RAET1G: variants seen among roughly 807,000 people sequenced by gnomAD.
RAET1G encodes the protein retinoic acid early transcript 1G.
In RAET1G, 25 loss-of-function variants were observed where a neutral mutation model predicts 29.5. The ratio of observed to expected loss-of-function variants is 0.85; its 90% confidence interval spans 0.62 to 1.18. The LOEUF (loss-of-function observed/expected upper bound fraction) is 1.18. Ranked by LOEUF, RAET1G falls within the 50% of genes most tolerant of loss-of-function variation. RAET1G has a pLI of 0.00. For synonymous variants in RAET1G, 167 were observed against 159.5 expected, an observed-to-expected ratio of 1.05 and a Z score of -0.36; for missense variants, 434 against 423.6, an observed-to-expected ratio of 1.02 and a Z score of -0.22.
intron 1 of RAET1G, among the ~76,000 whole-genome samples, chr6:149,921,172 C>G (rs970930343): frequency 6.6e-6 from 1 of 152,198 alleles, no homozygotes; most frequent in South Asian, 2.1e-4. Context: ...GCTGTTGAAG[C>G]GCAAAGGCAG....
Position 149,918,342 on chromosome 6 carries a change from G to C in RAET1G, c.674C>G (p.Thr225Arg), listed in dbSNP as rs201424200. 6.2e-7 allele frequency: 1 copy of C among 1,614,072 alleles called. No homozygotes were observed. The highest frequency in any genetic ancestry group is 1.7e-5 in the Admixed American group (1 of 60,018). The change falls in exon 4 of 5, where the codon ACG (threonine) becomes AGG (arginine). Residue 225 changes from threonine to arginine, a missense_variant. By Grantham distance (71) the Thr-to-Arg change is moderately conservative. Transcript: ENST00000367360. ...MSSGTAQPRA[T>R]ATTLILCCLL... ...GCAGCAAAGGATGAGGGTGGTGGCC[G>C]TGGCCCTGGGTTGGGCTGTGCCTGA...
chr6:149,916,904 G>A lies in RAET1G; in HGVS notation c.*8C>T, dbSNP rs1214475316. 6.7e-7 allele frequency: 1 copy of A among 1,502,784 alleles called. No individual in the cohort carries two copies. The highest frequency in any genetic ancestry group is 1.4e-5 in the African/African-American group (1 of 71,060). The allele number at this position is 1,502,784 out of a possible 1,614,324, so 93.1% of individuals were successfully genotyped here. On this transcript the variant is annotated 3_prime_UTR_variant, in exon 5 of 5. Coordinates refer to ENST00000367360, the MANE Select transcript of RAET1G (RefSeq NM_001001788.4). Reference sequence around the variant, plus strand: ...ACGGAAGAAAAGACAGCTGGGCCCAGGGAACCATCAAGATATGGAGACCTG... The same window carrying A: ...ACGGAAGAAAAGACAGCTGGGCCCAAGGAACCATCAAGATATGGAGACCTG...
chr6:149,922,352 C>T (rs149818484), intron 1 of RAET1G, among the ~76,000 whole-genome samples: 59 of 152,116 alleles, frequency 3.9e-4, no homozygotes, highest in Middle Eastern at 6.8e-3. Flanking sequence ...GAGGATGTTA[C>T]CTGGGTGGTG....
rs145595400 is a variant in RAET1G at position 149,919,245 on chromosome 6, G to A, written c.429C>T (p.Phe143=). The A allele has an allele frequency of 4.0e-4, 650 of 1,614,192 alleles. 1 individual carries two copies. The African/African-American group carries it at 4.9e-3, about 12-fold the overall frequency. ...GHGSGSWQLS[F]DGQIFLLFDS... is the part of the protein sequence containing the mutation. ...CAAAGAGGAGGAAGATCTGTCCATC[G>A]AAACTGAGCTGCCAAGATCCACTGC... The change falls in exon 3 of 5, where the codon TTC becomes TTT. Residue 143 remains phenylalanine (F), a synonymous_variant. Transcript: ENST00000367360.
At chr6:149,922,797 A>C in intron 1 of RAET1G, 129 bp downstream of exon 1, 1 of 615,124 alleles carries the variant, frequency 1.6e-6, no homozygotes. Context: ...CGCGGAGGGA[A>C]ACTGAGCGGG....
chr6:149,917,115 T>G (rs923600691), intron 4 of RAET1G, 41 bp from the exon 5 acceptor site: 4 of 1,493,002 alleles, frequency 2.7e-6, no homozygotes, highest in African/African-American at 2.8e-5. Context: ...TCATTGTTTC[T>G]TCTATGTATT....
intron 3 of RAET1G, 145 bp downstream of exon 3, chr6:149,918,898 C>T (rs770525676): frequency 8.3e-6 from 11 of 1,333,192 alleles, no homozygotes; most frequent in Admixed American, 2.4e-5. Context: ...GGCACGCCAG[C>T]ACCCCCAGGA....
intron 4 of RAET1G, 140 bp downstream of exon 4, chr6:149,918,034 A>G: frequency 1.3e-6 from 1 of 769,790 alleles, no homozygotes; most frequent in South Asian, 1.8e-5. Flanking sequence ...TCCAACAAGC[A>G]ACACAAGGTC....
intron 1 of RAET1G, among the ~76,000 whole-genome samples, chr6:149,920,248 G>A (rs1315953479): frequency 7.2e-5 from 11 of 152,166 alleles, no homozygotes. Flanking sequence ...AACCCAGTTG[G>A]ATAAAGAAGA....
chr6:149,919,497 G>A (rs1778543319), intron 2 of RAET1G, 56 bp downstream of exon 2: 4 of 1,613,878 alleles, frequency 2.5e-6, no homozygotes, highest in Non-Finnish European at 3.4e-6. Context: ...AACTATAAAT[G>A]CCTCTAACCT....
intron 3 of RAET1G, chr6:149,918,641 G>T: frequency 1.6e-6 from 1 of 611,570 alleles, no homozygotes. Flanking sequence ...AGGAGGTGAT[G>T]CTCCAGGGTG....
Position 149,918,252 on chromosome 6 carries a change from G to C in RAET1G, c.764C>G (p.Pro255Arg). ...ATGAGGAGGAGGCTGCAGGGACTGA[G>C]GGTGGTGGCCATGGCTTTGGGTCAG... ...HSLTQSHGHH[P>R]QSLQPPPHPP... Residue 255 changes from proline (P) to arginine (R), a missense_variant, in exon 4 of 5, where the codon CCT becomes CGT. Coordinates refer to ENST00000367360, the MANE Select transcript of RAET1G (RefSeq NM_001001788.4). The C allele has an allele frequency of 1.2e-6, 2 of 1,614,176 alleles. No individual in the cohort carries two copies. The highest frequency in any genetic ancestry group is 1.7e-6 in the Non-Finnish European group (2 of 1,180,028).
chr6:149,922,844 A>G, intron 1 of RAET1G, 82 bp downstream of exon 1: 1 of 975,698 alleles, frequency 1.0e-6, no homozygotes, highest in Non-Finnish European at 1.5e-6. Flanking sequence ...TCCTTCCAGA[A>G]GCCTCCCCTC....
At chr6:149,919,369 G>A (rs1246704865) in intron 2 of RAET1G, 45 bp from the exon 3 acceptor site, 1 of 1,599,118 alleles carries the variant, frequency 6.3e-7, no homozygotes, top group Non-Finnish European at 8.5e-7. Flanking sequence ...GACAGATATT[G>A]AGCCCCCATC....
In RAET1G at chr6:149,923,055, G is replaced by T; in HGVS notation, c.-45C>A. The T allele has an allele frequency of 1.4e-6, 2 of 1,423,498 alleles. No individual in the cohort carries two copies. Among genetic ancestry groups the T allele is most frequent in the Non-Finnish European group, 1.9e-6 (2 of 1,037,622 alleles). 88.2% of individuals were successfully genotyped at this position (1,423,498 alleles called of 1,614,324 possible). A position where few individuals can be genotyped will look rare whatever the true frequency, so the allele number is the denominator to read the frequency against. The stretch of plus-strand genomic sequence containing the variant: ...GGACAGCAGAAGCGAAGCCCAGCCC[G>T]TGGATCACCTGGCGGCTCGCAGGCT... On this transcript the variant is annotated 5_prime_UTR_variant, in exon 1 of 5. Coordinates refer to ENST00000367360, the MANE Select transcript of RAET1G (RefSeq NM_001001788.4).
In RAET1G at chr6:149,916,978, A is replaced by G. The variant is rs1778455437; in HGVS notation, c.939T>C (p.Leu313=). The change falls in exon 5 of 5, where the codon CTT becomes CTC. Residue 313 remains leucine, a synonymous_variant. Coordinates refer to ENST00000367360, the MANE Select transcript of RAET1G (RefSeq NM_001001788.4). ...CGCCGTTATTTATTGTATACAAGGC[A>G]AGAGGGCAGGGTAAGGAGTGTGAGT... ...GDDSHSLPCP[L]ALYTINNGAA... The G allele has an allele frequency of 6.4e-7, 1 of 1,550,548 alleles. No homozygotes were observed.
rs747391971 is a variant in RAET1G, at chr6:149,919,122, G to A, written c.552C>T (p.Tyr184=). 5 of 1,614,088 alleles carry A rather than the reference G, an allele frequency of 3.1e-6. No homozygotes were observed. The Admixed American group carries it at 8.3e-5, about 27-fold the overall frequency. The change falls in exon 3 of 5, where the codon TAC becomes TAT. Residue 184 remains tyrosine (Y), a synonymous_variant. Transcript: ENST00000367360. The part of the protein sequence containing the change: ...NDKDMTMSFH[Y]ISMGDCTGWL... ...ATCCTGTGCAGTCTCCCATTGAGAT[G>A]TAATGGAAGGACATGGTCATATCCT... is the stretch of plus-strand genomic sequence containing the variant.
Position 149,919,139 on chromosome 6 carries a change from T to G in RAET1G, c.535A>C (p.Thr179Pro). The G allele has an allele frequency of 6.2e-7, 1 of 1,614,174 alleles. No individual in the cohort carries two copies. The highest frequency in any genetic ancestry group is 8.5e-7 in the Non-Finnish European group (1 of 1,180,026). ...KEKWENDKDM[T>P]MSFHYISMGD... is the part of the protein sequence containing the mutation. ...ATTGAGATGTAATGGAAGGACATGG[T>G]CATATCCTTGTCATTCTCCCACTTT... The change falls in exon 3 of 5, where the codon ACC (threonine) becomes CCC (proline). Residue 179 changes from threonine to proline, a missense_variant. Transcript: ENST00000367360.
In RAET1G at chr6:149,919,461, C is replaced by T; in HGVS notation, c.349+92G>A. ...CTAGACGTCTTGCGGGGTGAGATGA[C>T]CTTCCTATTTGTATTTTTACATGAA... On this transcript the variant is annotated intron_variant, in intron 2 of 4. Coordinates refer to ENST00000367360, the MANE Select transcript of RAET1G (RefSeq NM_001001788.4). 5.0e-6 allele frequency: 8 copies of T among 1,612,154 alleles called. 1 individual carries two copies. In the South Asian group the frequency reaches 8.8e-5, roughly 18 times the overall value.
Sources: gnomAD v4.1 joint callset for allele counts (sites outside exome capture counted in the v4.1 genomes callset) on GRCh38, gnomAD v4.1.1 for gene constraint, MANE v1.5 for transcripts, NCBI Gene and HGNC (gene_info 2026-07-23, HGNC 2026-07-21) for gene names.